The following MGAT5B variants were observed in gnomAD, a reference collection of about 807,000 sequenced individuals.
MGAT5B encodes alpha-1,6-mannosylglycoprotein 6-beta-N-acetylglucosaminyltransferase B.
MGAT5B carries 54 observed loss-of-function variants against 95.1 expected under a neutral mutation model. The ratio of observed to expected loss-of-function variants is 0.57; its 90% CI spans 0.46 to 0.71. The LOEUF is 0.71. Among genes scored for constraint, MGAT5B ranks in the 30% least tolerant of loss-of-function variants. MGAT5B has a pLI of 0.00. For synonymous variants in MGAT5B, 464 were observed against 451.0 expected, an observed-to-expected ratio of 1.03 and a Z score of -0.36; for missense variants, 935 against 1,088.6, an observed-to-expected ratio of 0.86 and a Z score of 1.99.
intron 3 of MGAT5B, among the ~76,000 whole-genome samples, chr17:76,888,748 C>T (rs1234579684): frequency 6.6e-6 from 1 of 152,136 alleles, no homozygotes; most frequent in Non-Finnish European, 1.5e-5. Flanking sequence ...GGATTGGGGC[C>T]TGCGAGGAAG....
intron 3 of MGAT5B, among the ~76,000 whole-genome samples, chr17:76,894,168 C>T (rs1055986591): frequency 3.3e-5 from 5 of 152,312 alleles, no homozygotes; most frequent in South Asian, 2.1e-4. Flanking sequence ...CCTGTTCCCC[C>T]GCCAGGAACA....
At chr17:76,884,989 C>T (rs370618838) in intron 3 of MGAT5B, among the ~76,000 whole-genome samples, 3 of 152,232 alleles carry the variant, frequency 2.0e-5, no homozygotes, top group East Asian at 1.9e-4. Context: ...CCGCCCATCT[C>T]GGCCTCCCAA....
At chr17:76,919,221 ATCC>A (rs1969043804) in intron 8 of MGAT5B, among the ~76,000 whole-genome samples, 1 of 152,032 alleles carries the variant, frequency 6.6e-6, no homozygotes, top group South Asian at 2.1e-4. Flanking sequence ...CCATCTCCCC[ATCC>A]TCCTCTTTGA....
chr17:76,922,298 T>C (rs745379483), intron 8 of MGAT5B, among the ~76,000 whole-genome samples: 3 of 152,188 alleles, frequency 2.0e-5, no homozygotes, highest in Non-Finnish European at 2.9e-5. Context: ...AGATTCCATG[T>C]GGGAGGAGCA....
At chr17:76,894,054 T>G (rs1567797811) in intron 3 of MGAT5B, among the ~76,000 whole-genome samples, 1 of 152,216 alleles carries the variant, frequency 6.6e-6, no homozygotes, top group Non-Finnish European at 1.5e-5. Flanking sequence ...GTTCCACTTG[T>G]GGCTCCAGCC....
chr17:76,917,837 G>T lies in MGAT5B; in HGVS notation c.1026-7129G>T, dbSNP rs1001845835. On this transcript the variant is annotated intron_variant, in intron 8 of 17. Transcript: ENST00000569840. This position sits in a 1 kb window ranked among gnomAD's most constrained non-coding sequence, Gnocchi z 6.1. ...GCCCGGAGCAAATAGAGGGACCCTC[G>T]GGGTGGCCTGAGCACCAGGAGCTAA... Among the ~76,000 whole-genome samples the T allele has an allele frequency of 2.0e-5, 3 of 152,202 alleles. No homozygotes were observed. The highest frequency in any genetic ancestry group is 6.5e-5 in the Admixed American group (1 of 15,280).
intron 3 of MGAT5B, among the ~76,000 whole-genome samples, chr17:76,900,653 G>C (rs1362482132): frequency 6.6e-6 from 1 of 152,236 alleles, no homozygotes; most frequent in African/African-American, 2.4e-5. Context: ...CGGCCCTGCT[G>C]CCACCTCGCT....
At chr17:76,900,652 T>G (rs1190221443) in intron 3 of MGAT5B, among the ~76,000 whole-genome samples, 2 of 152,226 alleles carry the variant, frequency 1.3e-5, no homozygotes, top group African/African-American at 4.8e-5. Context: ...CCGGCCCTGC[T>G]GCCACCTCGC....
chr17:76,944,551 G>A (rs573165658), intron 15 of MGAT5B, among the ~76,000 whole-genome samples: 250 of 152,298 alleles, frequency 1.6e-3, no homozygotes, highest in African/African-American at 5.7e-3. Flanking sequence ...CCATCGGCTC[G>A]GGAATGAGAG....
At chr17:76,897,717 CTTTCTTTCTTTTTCTTTT>C (rs1968136533) in intron 3 of MGAT5B, among the ~76,000 whole-genome samples, 1 of 89,282 alleles carries the variant, frequency 1.1e-5, no homozygotes, top group South Asian at 4.1e-4. Context: ...TTCTTTCTTT[CTTTCTTTCTTTTTCTTTT>C]TTTTTTTTTT....
chr17:76,888,001 C>T (rs991496016), intron 3 of MGAT5B, among the ~76,000 whole-genome samples: 7 of 152,162 alleles, frequency 4.6e-5, no homozygotes, highest in Admixed American at 3.9e-4. Context: ...TCTGGCTCCT[C>T]CTGCTGGTTC....
chr17:76,872,608 G>A (rs1167611157), intron 1 of MGAT5B: 2 of 1,436,724 alleles, frequency 1.4e-6, no homozygotes, highest in Non-Finnish European at 1.8e-6. Context: ...ATGCCTAAGT[G>A]TGCGTCATTC....
At chr17:76,944,861 A>G (rs1305547928) in intron 15 of MGAT5B, among the ~76,000 whole-genome samples, 1 of 152,218 alleles carries the variant, frequency 6.6e-6, no homozygotes, top group East Asian at 1.9e-4. Flanking sequence ...AGCACCACCC[A>G]ACGCTGATGA....
chr17:76,945,825 G>T (rs1240764030), intron 15 of MGAT5B, among the ~76,000 whole-genome samples: 3 of 152,234 alleles, frequency 2.0e-5, no homozygotes, highest in Non-Finnish European at 4.4e-5. Context: ...AGGCACTGGA[G>T]ATTCAGTGTG....
chr17:76,925,919 G>A (rs927619237), intron 9 of MGAT5B, among the ~76,000 whole-genome samples: 3 of 152,250 alleles, frequency 2.0e-5, no homozygotes, highest in East Asian at 1.9e-4. Context: ...GAATGGCCTC[G>A]GAGTTCGTCT....
chr17:76,875,413 G>A (rs1967149636), intron 2 of MGAT5B, among the ~76,000 whole-genome samples: 1 of 152,042 alleles, frequency 6.6e-6, no homozygotes, highest in Non-Finnish European at 1.5e-5. Flanking sequence ...GCTGCCATGT[G>A]AAGAAGGACA....
intron 15 of MGAT5B, among the ~76,000 whole-genome samples, chr17:76,943,330 C>T (rs368314869): frequency 6.6e-5 from 10 of 152,134 alleles, no homozygotes; most frequent in East Asian, 5.8e-4. Flanking sequence ...CCCAAACCAA[C>T]GGAGGCCCCT....
intron 12 of MGAT5B, among the ~76,000 whole-genome samples, chr17:76,933,641 A>C (rs1452627539): frequency 6.6e-6 from 1 of 152,216 alleles, no homozygotes; most frequent in Non-Finnish European, 1.5e-5. Context: ...GCTACTGATC[A>C]GGGGAAGCCC....
chr17:76,873,606 A>G (rs1967081078), intron 2 of MGAT5B, among the ~76,000 whole-genome samples: 1 of 152,236 alleles, frequency 6.6e-6, no homozygotes, highest in African/African-American at 2.4e-5. Flanking sequence ...TCACACGTGG[A>G]CATTACCCAG....
Sources: gnomAD v4.1 joint callset for allele counts (sites outside exome capture counted in the v4.1 genomes callset) on GRCh38, gnomAD v4.1.1 for gene constraint, Gnocchi (gnomAD v3.1) non-coding constraint, MANE v1.5 for transcripts, NCBI Gene and HGNC (gene_info 2026-07-23, HGNC 2026-07-21) for gene names.